POLDIP3: variants seen among roughly 807,000 people sequenced by gnomAD.
POLDIP3 encodes the protein polymerase delta-interacting protein 3.
Under a neutral mutation model 45.1 loss-of-function variants are expected in POLDIP3, and 14 were observed. The observed-to-expected ratio is 0.31, with a 90% CI of 0.20 to 0.49. POLDIP3 has a LOEUF of 0.49. Among genes scored for constraint, POLDIP3 ranks in the 20% least tolerant of loss-of-function variants. The probability of loss-of-function intolerance (pLI) is 0.99; values close to 1 mark genes in which losing one functional copy is unlikely to be tolerated. For missense variants in POLDIP3, 511 were observed against 538.8 expected, an observed-to-expected ratio of 0.95 and a Z score of 0.51; for synonymous variants, 223 against 205.2, an observed-to-expected ratio of 1.09 and a Z score of -0.74.
chr22:42,601,709 C>T (rs970954610), intron 3 of POLDIP3, among the ~76,000 whole-genome samples: 7 of 152,102 alleles, frequency 4.6e-5, no homozygotes, highest in South Asian at 2.1e-4. Context: ...TGCAGTGAGC[C>T]GAGATTACGC....
At chr22:42,597,432 AGCTGGGAC>A (rs1569299311) in intron 4 of POLDIP3, among the ~76,000 whole-genome samples, 1 of 152,260 alleles carries the variant, frequency 6.6e-6, no homozygotes, top group East Asian at 1.9e-4. Context: ...GCGTCTCCAG[AGCTGGGAC>A]AGCACAGTGA....
intron 8 of POLDIP3, among the ~76,000 whole-genome samples, chr22:42,586,900 T>C (rs1925346527): frequency 6.6e-6 from 1 of 152,128 alleles, no homozygotes; most frequent in Admixed American, 6.6e-5. Flanking sequence ...CAGGCATGTA[T>C]ACTCAGCTGT....
chr22:42,585,873 G>C lies in POLDIP3; in HGVS notation c.1184C>G (p.Pro395Arg). 6.2e-7 allele frequency: 1 copy of C among 1,613,388 alleles called. No individual in the cohort carries two copies. The highest frequency in any genetic ancestry group is 2.2e-5 in the East Asian group (1 of 44,882). ...SSSNPPAEVD[P>R]DTILKALFKS... ...GAAGAGTGCCTTCAGGATGGTGTCA[G>C]GGTCCACTTCGGCAGGGGGGTTGGA... The change falls in exon 9 of 9, where the codon CCT (proline) becomes CGT (arginine). Residue 395 changes from proline to arginine, a missense_variant. By Grantham distance (103) the Pro-to-Arg change is moderately radical. Transcript: ENST00000252115.
chr22:42,596,410 T>C (rs760091422), intron 4 of POLDIP3, 45 bp from the exon 5 acceptor site: 2 of 1,571,480 alleles, frequency 1.3e-6, no homozygotes, highest in Non-Finnish European at 1.7e-6. Context: ...AGACCTGCAA[T>C]GTTCTGAAGA....
chr22:42,588,654 G>GT (rs1466593728), intron 7 of POLDIP3, among the ~76,000 whole-genome samples: 8 of 144,332 alleles, frequency 5.5e-5, no homozygotes, highest in Non-Finnish European at 1.1e-4. Flanking sequence ...TTGAGATGGA[G>GT]TTTCGCTCTT....
chr22:42,588,848 G>A (rs1225625018), intron 7 of POLDIP3, among the ~76,000 whole-genome samples: 5 of 152,038 alleles, frequency 3.3e-5, no homozygotes, highest in East Asian at 1.9e-4. Context: ...AGCTGGTCTC[G>A]AACTCCCAAT....
chr22:42,602,500 C>T (rs532451132), intron 2 of POLDIP3, among the ~76,000 whole-genome samples: 4 of 152,306 alleles, frequency 2.6e-5, no homozygotes, highest in Admixed American at 1.3e-4. Context: ...GTCCTTTCCT[C>T]TCTCTTTCTT....
At chr22:42,604,643 G>C (rs1310424756) in intron 1 of POLDIP3, among the ~76,000 whole-genome samples, 1 of 152,214 alleles carries the variant, frequency 6.6e-6, no homozygotes, top group African/African-American at 2.4e-5. Context: ...GCATTCCAGT[G>C]GCTGGAGTGA....
chr22:42,589,373 G>C (rs1311413706), intron 7 of POLDIP3, among the ~76,000 whole-genome samples: 1 of 151,802 alleles, frequency 6.6e-6, no homozygotes, highest in Admixed American at 6.6e-5. Flanking sequence ...AACAAAAAAA[G>C]TGACTAGAGG....
At chr22:42,601,550 C>G (rs997184116) in intron 3 of POLDIP3, among the ~76,000 whole-genome samples, 2 of 152,016 alleles carry the variant, frequency 1.3e-5, no homozygotes, top group Non-Finnish European at 2.9e-5. Flanking sequence ...ATCACAAGGT[C>G]AAGAAATTGA....
intron 1 of POLDIP3, among the ~76,000 whole-genome samples, chr22:42,614,580 C>G (rs1419027459): frequency 6.6e-6 from 1 of 152,130 alleles, no homozygotes; most frequent in African/African-American, 2.4e-5. Flanking sequence ...GCCGCGGCCC[C>G]GTCGGCCTCC....
chr22:42,587,587 A>T lies in POLDIP3; in HGVS notation c.1022-15T>A. The T allele has an allele frequency of 6.2e-7, 1 of 1,611,002 alleles. No homozygotes were observed. Among genetic ancestry groups the T allele is most frequent in the Non-Finnish European group, 8.5e-7 (1 of 1,177,148 alleles). ...CATCGGCTGCCCTGAAAAACCAAAG[A>T]AAGAAAAAGGCTCTGCTATGAGACC... On this transcript the variant is annotated splice_polypyrimidine_tract_variant and intron_variant, in intron 7 of 8. Coordinates refer to ENST00000252115, the MANE Select transcript of POLDIP3 (RefSeq NM_032311.5).
rs770721560 is a variant in POLDIP3, at chr22:42,603,030, C to G, written c.190G>C (p.Asp64His). The G allele has an allele frequency of 2.6e-5, 42 of 1,614,054 alleles. No individual in the cohort carries two copies. Among genetic ancestry groups the G allele is most frequent in the Non-Finnish European group, 3.5e-5 (41 of 1,180,026 alleles). Residue 64 changes from aspartate to histidine, a missense_variant, in exon 2 of 9, where the codon GAT becomes CAT. Physicochemically the swap from Asp to His is moderately conservative, Grantham distance 81. Transcript: ENST00000252115. ...FDARQKIGLS[D>H]ARLKLGVKDA... ...TTGACTCCCAGTTTGAGCCGGGCATCTGAGAGGCCAATCTTCTGCCGGGCA... is the reference window on the plus strand; with the variant it reads ...TTGACTCCCAGTTTGAGCCGGGCATGTGAGAGGCCAATCTTCTGCCGGGCA...
At chr22:42,602,637 G>T in intron 2 of POLDIP3, 133 bp downstream of exon 2, 1 of 1,041,886 alleles carries the variant, frequency 9.6e-7, no homozygotes, top group Non-Finnish European at 1.4e-6. Context: ...TAAAGCCTCT[G>T]TAAGGAGCAA....
chr22:42,610,687 G>C (rs1056194270), intron 1 of POLDIP3, among the ~76,000 whole-genome samples: 7 of 152,154 alleles, frequency 4.6e-5, no homozygotes, highest in Admixed American at 2.0e-4. Flanking sequence ...AGGACTGCTT[G>C]AGTCCAGGAG....
intron 4 of POLDIP3, among the ~76,000 whole-genome samples, chr22:42,598,855 C>G (rs1057280053): frequency 2.0e-5 from 3 of 152,234 alleles, no homozygotes; most frequent in Non-Finnish European, 4.4e-5. Context: ...CTGAGCTGAG[C>G]AGCATGGACC....
At chr22:42,607,724 C>T (rs950598388) in intron 1 of POLDIP3, among the ~76,000 whole-genome samples, 2 of 151,710 alleles carry the variant, frequency 1.3e-5, no homozygotes, top group Non-Finnish European at 2.9e-5. Flanking sequence ...CCCGCTGCCC[C>T]GTCTGGGATG....
intron 1 of POLDIP3, among the ~76,000 whole-genome samples, chr22:42,612,958 G>A (rs1927216250): frequency 6.6e-6 from 1 of 152,200 alleles, no homozygotes. Context: ...GCAAGTGCCA[G>A]GTGTATCCAG....
At chr22:42,599,676 A>G in intron 4 of POLDIP3, 22 bp downstream of exon 4, 2 of 1,543,960 alleles carry the variant, frequency 1.3e-6, no homozygotes, top group Non-Finnish European at 1.8e-6. Flanking sequence ...CACGCAGTGT[A>G]AGAAAACATG....
Sources: gnomAD v4.1 joint callset for allele counts (sites outside exome capture counted in the v4.1 genomes callset) on GRCh38, gnomAD v4.1.1 for gene constraint, MANE v1.5 for transcripts, NCBI Gene and HGNC (gene_info 2026-07-23, HGNC 2026-07-21) for gene names.